Variants in MYO5A observed in about 807,000 individuals in gnomAD.
The protein encoded by MYO5A is unconventional myosin-Va.
A neutral mutation model predicts 249.7 loss-of-function variants in MYO5A; 98 were observed. The ratio of observed to expected loss-of-function variants is 0.39; its 90% CI spans 0.33 to 0.46. The LOEUF is 0.46. Among genes scored for constraint, MYO5A ranks in the 20% least tolerant of loss-of-function variants. MYO5A has a pLI of 0.98. For synonymous variants in MYO5A, 778 were observed against 810.6 expected (o/e 0.96, Z 0.68); for missense variants, 1,696 against 2,308.8 (o/e 0.73, Z 5.44).
At chr15:52,527,884 A>G (rs1393294260) in intron 1 of MYO5A, among the ~76,000 whole-genome samples, 1 of 152,258 alleles carries the variant, frequency 6.6e-6, no homozygotes, top group Non-Finnish European at 1.5e-5. Flanking sequence ...GAAGTAATCA[A>G]TATCTGGCAA....
At chr15:52,319,001 C>T (rs2038170398) in intron 39 of MYO5A, 59 bp downstream of exon 39, 1 of 1,595,046 alleles carries the variant, frequency 6.3e-7, no homozygotes, top group African/African-American at 1.3e-5. Context: ...CTCTCCACAA[C>T]CCTGGCAGGC....
chr15:52,424,641 T>C (rs1000719722), intron 4 of MYO5A, among the ~76,000 whole-genome samples: 2 of 152,202 alleles, frequency 1.3e-5, no homozygotes, highest in Admixed American at 6.5e-5. Context: ...ATACTCTCCC[T>C]GGCTGGAGAG....
At chr15:52,464,266 C>T (rs2076310896) in intron 1 of MYO5A, among the ~76,000 whole-genome samples, 1 of 152,196 alleles carries the variant, frequency 6.6e-6, no homozygotes, top group African/African-American at 2.4e-5. Context: ...TGGCCCCTAC[C>T]CACAGGTTTA....
intron 3 of MYO5A, 59 bp downstream of exon 3, chr15:52,428,339 T>C (rs2075443258): frequency 1.3e-6 from 2 of 1,520,884 alleles, no homozygotes; most frequent in South Asian, 2.2e-5. Context: ...AATATTTCTA[T>C]GGCTATGTCC....
intron 1 of MYO5A, among the ~76,000 whole-genome samples, chr15:52,501,009 G>T (rs1056678811): frequency 6.6e-6 from 1 of 151,406 alleles, no homozygotes; most frequent in African/African-American, 2.4e-5. Context: ...TTGCTCTGTC[G>T]CCCAGGCTGG....
intron 1 of MYO5A, among the ~76,000 whole-genome samples, chr15:52,499,624 T>C (rs1375285493): frequency 1.3e-5 from 2 of 152,360 alleles, no homozygotes; most frequent in South Asian, 2.1e-4. Flanking sequence ...CATGGCATAA[T>C]GTCATCAAGG....
At position 52,314,192 on chromosome 15, in the gene MYO5A, C is replaced by T; in HGVS notation, c.5421G>A (p.Val1807=). 8.1e-6 allele frequency: 13 copies of T among 1,609,996 alleles called. No individual in the cohort carries two copies. The highest frequency in any genetic ancestry group is 1.1e-5 in the Non-Finnish European group (13 of 1,176,524). Residue 1807 remains valine, a synonymous_variant, in exon 41 of 42, where the codon GTG becomes GTA. Transcript: ENST00000399233. ...CATTAACTGGAGTATACAAATTCAACACTTTCACAATCTGTGAGAAATGAA... is the reference window on the plus strand; with the variant it reads ...CATTAACTGGAGTATACAAATTCAATACTTTCACAATCTGTGAGAAATGAA... ...NALTTAQIVK[V]LNLYTPVNEF... is the part of the protein sequence containing the mutation.
chr15:52,450,843 G>GTTTTTTGTTTTTTTTTTT (rs769982056), intron 1 of MYO5A, among the ~76,000 whole-genome samples: 11 of 84,572 alleles, frequency 1.3e-4, no homozygotes, highest in African/African-American at 5.0e-4. Flanking sequence ...CACTACTGTG[G>GTTTTTTGTTTTTTTTTTT]TTTTTTTTTT....
At chr15:52,352,766 G>A (rs2040020560) in intron 27 of MYO5A, among the ~76,000 whole-genome samples, 1 of 151,982 alleles carries the variant, frequency 6.6e-6, no homozygotes, top group African/African-American at 2.4e-5. Flanking sequence ...CTGGGTGACA[G>A]AGCGAGACTC....
chr15:52,415,980 A>G, intron 5 of MYO5A, 165 bp downstream of exon 5: 1 of 829,186 alleles, frequency 1.2e-6, no homozygotes, highest in Non-Finnish European at 1.9e-6. Context: ...TACCTTACCA[A>G]GTTTTTACTT....
chr15:52,524,351 A>G (rs1034612144), intron 1 of MYO5A, among the ~76,000 whole-genome samples: 9 of 152,168 alleles, frequency 5.9e-5, no homozygotes, highest in Non-Finnish European at 1.2e-4. Flanking sequence ...CTGAGGAGTT[A>G]GAGATCAGCC....
chr15:52,506,936 C>A (rs973198517), intron 1 of MYO5A, among the ~76,000 whole-genome samples: 1 of 152,174 alleles, frequency 6.6e-6, no homozygotes, highest in African/African-American at 2.4e-5. Context: ...AATTTGGCTG[C>A]CAAAGACTCC....
Position 52,336,610 on chromosome 15 carries a change from T to C in MYO5A, c.4315-54A>G, listed in dbSNP as rs530775067. 126 of 1,270,414 alleles carry C rather than the reference T, an allele frequency of 9.9e-5. No homozygotes were observed. In the South Asian group the frequency reaches 1.5e-3, roughly 15 times the overall value. 78.7% of individuals were successfully genotyped at this position (1,270,414 alleles called of 1,614,324 possible). A position where few individuals can be genotyped will look rare whatever the true frequency, so the allele number is the denominator to read the frequency against. On this transcript the variant is annotated intron_variant, in intron 33 of 41. Transcript: ENST00000399233. ...AAAAATCGAAACAGGCCTTCTAAAATGCATCAAAGGAAAATAGACACAATA... is the reference window on the plus strand; with the variant it reads ...AAAAATCGAAACAGGCCTTCTAAAACGCATCAAAGGAAAATAGACACAATA...
Position 52,321,406 on chromosome 15 carries a change from T to A in MYO5A, c.4904A>T (p.Tyr1635Phe), listed in dbSNP as rs757170130. ...CTCTAACACCCGCACGAGCTGCTGG[T>A]AGATCTGAATGGCCAAGTCACTCAG... ...QVLSDLAIQI[Y>F]QQLVRVLENI... The change falls in exon 38 of 42, where the codon TAC becomes TTC. Residue 1635 changes from tyrosine (Y) to phenylalanine (F), a missense_variant. Physicochemically the swap from Tyr to Phe is conservative, Grantham distance 22 (BLOSUM62 3). Transcript: ENST00000399233. 150 of 1,614,092 alleles carry A rather than the reference T, an allele frequency of 9.3e-5. No homozygotes were observed. Among genetic ancestry groups the A allele is most frequent in the Middle Eastern group, 3.3e-4 (2 of 6,084 alleles).
At chr15:52,366,287 TTTG>T (rs1458369567) in intron 23 of MYO5A, among the ~76,000 whole-genome samples, 4 of 152,180 alleles carry the variant, frequency 2.6e-5, no homozygotes, top group Admixed American at 6.5e-5. Context: ...TCTTTATTGT[TTTG>T]TTATCTCATT....
intron 11 of MYO5A, 44 bp downstream of exon 11, chr15:52,396,272 G>A (rs894814677): frequency 8.7e-7 from 1 of 1,151,890 alleles, no homozygotes. Context: ...GAATTCAAGA[G>A]AATAATTTAT....
chr15:52,434,943 C>T (rs1289258920), intron 1 of MYO5A, among the ~76,000 whole-genome samples: 1 of 152,170 alleles, frequency 6.6e-6, no homozygotes, highest in Non-Finnish European at 1.5e-5. Context: ...TCATTTTTAA[C>T]AATAATCAGG....
At chr15:52,378,677 A>G (rs1475703973) in intron 18 of MYO5A, among the ~76,000 whole-genome samples, 15 of 151,928 alleles carry the variant, frequency 9.9e-5, no homozygotes, top group Admixed American at 5.9e-4. Flanking sequence ...AATTATGATC[A>G]ATTAGCTCAA....
intron 4 of MYO5A, among the ~76,000 whole-genome samples, chr15:52,417,514 G>C (rs1027754129): frequency 6.6e-6 from 1 of 152,186 alleles, no homozygotes; most frequent in Non-Finnish European, 1.5e-5. Context: ...AATAAGTCAT[G>C]ATCTGTATCC....
Sources: gnomAD v4.1 joint callset for allele counts (sites outside exome capture counted in the v4.1 genomes callset) on GRCh38, gnomAD v4.1.1 for gene constraint, MANE v1.5 for transcripts, NCBI Gene and HGNC (gene_info 2026-07-23, HGNC 2026-07-21) for gene names.